SGMS1: variants seen among roughly 807,000 people sequenced by gnomAD.
The protein encoded by SGMS1 is sphingomyelin synthase 1.
A neutral mutation model predicts 46.2 loss-of-function variants in SGMS1; 13 were observed. That is an observed-to-expected ratio of 0.28 (90% CI 0.18 to 0.45). The LOEUF (loss-of-function observed/expected upper bound fraction) is 0.45. Among genes scored for constraint, SGMS1 ranks in the 20% least tolerant of loss-of-function variants. The pLI, the probability that SGMS1 is intolerant of heterozygous loss-of-function variation, is 1.00. For synonymous variants in SGMS1, 203 were observed against 187.8 expected (o/e 1.08, Z -0.66); for missense variants, 324 against 519.9 (o/e 0.62, Z 3.66).
At chr10:50,483,287 C>T (rs926318045) in intron 3 of SGMS1, among the ~76,000 whole-genome samples, 2 of 152,120 alleles carry the variant, frequency 1.3e-5, no homozygotes, top group Non-Finnish European at 2.9e-5. Flanking sequence ...ACCATGTTGT[C>T]CAGGCTGGTC....
At chr10:50,624,910 C>G, upstream of SGMS1, 2 of 1,006,926 alleles carry the variant, frequency 2.0e-6, no homozygotes, top group Non-Finnish European at 2.4e-6. Context: ...CGGCTACGGG[C>G]CCGGCGTACC....
At chr10:50,310,891 A>G (rs1309105428) in intron 9 of SGMS1, among the ~76,000 whole-genome samples, 1 of 152,222 alleles carries the variant, frequency 6.6e-6, no homozygotes, top group Non-Finnish European at 1.5e-5. Flanking sequence ...TAGTTGCTGC[A>G]TCAACACATA....
intron 5 of SGMS1, among the ~76,000 whole-genome samples, chr10:50,436,528 G>C (rs1849475878): frequency 6.6e-6 from 1 of 152,184 alleles, no homozygotes; most frequent in African/African-American, 2.4e-5. Context: ...TAGTTCAGCT[G>C]ATGCACTTAA....
intron 4 of SGMS1, among the ~76,000 whole-genome samples, chr10:50,463,056 A>T (rs1415865014): frequency 6.6e-6 from 1 of 152,148 alleles, no homozygotes; most frequent in African/African-American, 2.4e-5. Flanking sequence ...TTAAGACCTG[A>T]AACTATAAAA....
chr10:50,467,126 G>A (rs6481273), intron 3 of SGMS1, among the ~76,000 whole-genome samples, 194 bp from the exon 4 acceptor site: 9,263 of 151,700 alleles, frequency 0.061, 397 homozygotes, highest in Non-Finnish European at 0.094. Flanking sequence ...ATTAGACAAC[G>A]CCAAGCAGAA....
intron 2 of SGMS1, among the ~76,000 whole-genome samples, chr10:50,587,322 T>C (rs1156948531): frequency 6.6e-6 from 1 of 151,984 alleles, no homozygotes; most frequent in Non-Finnish European, 1.5e-5. Flanking sequence ...AAATATGAGG[T>C]ATGCTGTGAA....
intron 5 of SGMS1, among the ~76,000 whole-genome samples, chr10:50,436,628 A>C (rs1439218680): frequency 1.3e-5 from 2 of 152,206 alleles, no homozygotes; most frequent in Non-Finnish European, 2.9e-5. Context: ...TTAAGATTCC[A>C]TAACAGTCAT....
intron 6 of SGMS1, among the ~76,000 whole-genome samples, chr10:50,371,691 G>A (rs543387814): frequency 6.6e-5 from 10 of 152,098 alleles, no homozygotes; most frequent in South Asian, 2.1e-4. Context: ...CTCCCATGTC[G>A]TCTCTTCAAA....
chr10:50,398,562 T>A (rs1453909522), intron 6 of SGMS1, among the ~76,000 whole-genome samples: 1 of 152,208 alleles, frequency 6.6e-6, no homozygotes, highest in Non-Finnish European at 1.5e-5. Context: ...CTTTTCAGTG[T>A]TACTTCTCAT....
intron 1 of SGMS1, chr10:50,590,857 C>A (rs1444501255): frequency 6.6e-6 from 1 of 152,154 alleles, no homozygotes; most frequent in African/African-American, 2.4e-5. Context: ...TGTCGAATCA[C>A]AGCAATTTCA....
At chr10:50,614,662 G>T (rs1019182598) in intron 1 of SGMS1, among the ~76,000 whole-genome samples, 4 of 152,228 alleles carry the variant, frequency 2.6e-5, no homozygotes, top group African/African-American at 9.6e-5. Context: ...GATACACGCT[G>T]AAATCTGAGA....
chr10:50,487,837 T>G (rs1837534375), intron 3 of SGMS1, among the ~76,000 whole-genome samples: 1 of 152,210 alleles, frequency 6.6e-6, no homozygotes, highest in Non-Finnish European at 1.5e-5. Context: ...CACTGCCAAA[T>G]TTTAGAAAAC....
At chr10:50,475,035 G>A (rs1165299167) in intron 3 of SGMS1, among the ~76,000 whole-genome samples, 1 of 152,054 alleles carries the variant, frequency 6.6e-6, no homozygotes, top group African/African-American at 2.4e-5. Flanking sequence ...CAGAAAAACT[G>A]TCCAAGACTG....
intron 2 of SGMS1, among the ~76,000 whole-genome samples, chr10:50,580,466 G>C (rs139049150): frequency 6.6e-6 from 1 of 151,840 alleles, no homozygotes; most frequent in Non-Finnish European, 1.5e-5. Flanking sequence ...AGAGACAAGG[G>C]AATCACCTCG....
upstream of SGMS1, chr10:50,624,872 G>A (rs1012663221): frequency 7.2e-5 from 72 of 998,304 alleles, no homozygotes; most frequent in Non-Finnish European, 8.5e-5. Context: ...CCGCGGGGTC[G>A]GGGACTTGGC....
At chr10:50,321,413 CAG>C (rs1251105742) in intron 8 of SGMS1, among the ~76,000 whole-genome samples, 1 of 151,760 alleles carries the variant, frequency 6.6e-6, no homozygotes, top group Non-Finnish European at 1.5e-5. Context: ...TTTTAAGTGA[CAG>C]AGAGAAGTTA....
At chr10:50,321,893 G>A (rs903582245) in intron 8 of SGMS1, among the ~76,000 whole-genome samples, 1 of 152,194 alleles carries the variant, frequency 6.6e-6, no homozygotes, top group Non-Finnish European at 1.5e-5. Flanking sequence ...ATAGGGACCC[G>A]TTAGGCTGAT....
chr10:50,510,535 T>C (rs1415449880), intron 3 of SGMS1, among the ~76,000 whole-genome samples: 1 of 152,174 alleles, frequency 6.6e-6, no homozygotes, highest in Non-Finnish European at 1.5e-5. Context: ...TCTTTGTCAG[T>C]ACTTGGTATT....
At chr10:50,445,583 T>C (rs1837001291) in intron 5 of SGMS1, among the ~76,000 whole-genome samples, 1 of 152,216 alleles carries the variant, frequency 6.6e-6, no homozygotes, top group Non-Finnish European at 1.5e-5. Flanking sequence ...TGGACACTTA[T>C]CACTTCCCCA....
Sources: gnomAD v4.1 joint callset for allele counts (sites outside exome capture counted in the v4.1 genomes callset) on GRCh38, gnomAD v4.1.1 for gene constraint, MANE v1.5 for transcripts, NCBI Gene and HGNC (gene_info 2026-07-23, HGNC 2026-07-21) for gene names.